Variants in ZNRF3 observed in about 807,000 individuals in gnomAD.
The protein encoded by ZNRF3 is E3 ubiquitin-protein ligase ZNRF3.
ZNRF3 carries 23 observed loss-of-function variants against 72.5 expected under a neutral mutation model. The observed-to-expected ratio is 0.32, with a 90% CI of 0.23 to 0.45. The LOEUF is 0.45. ZNRF3 is among the 20% of genes least tolerant of loss of function. The pLI, the probability that ZNRF3 is intolerant of heterozygous loss-of-function variation, is 1.00. For missense variants in ZNRF3, 1,169 were observed against 1,272.1 expected (o/e 0.92, Z 1.23); for synonymous variants, 610 against 545.3 (o/e 1.12, Z -1.65).
chr22:28,988,341 T>G (rs1569272025), intron 2 of ZNRF3, among the ~76,000 whole-genome samples: 1 of 152,164 alleles, frequency 6.6e-6, no homozygotes, highest in Non-Finnish European at 1.5e-5. Context: ...GGGGTGGTTT[T>G]GAAGCAGGGT....
intron 2 of ZNRF3, among the ~76,000 whole-genome samples, chr22:28,994,571 G>T (rs1400280661): frequency 6.6e-6 from 1 of 152,012 alleles, no homozygotes; most frequent in Non-Finnish European, 1.5e-5. Context: ...TGGTTGCTGG[G>T]GTGGGGTATG....
At chr22:28,921,088 T>C (rs1181120429) in intron 1 of ZNRF3, among the ~76,000 whole-genome samples, 2 of 152,234 alleles carry the variant, frequency 1.3e-5, no homozygotes. Context: ...GGCTGTCATT[T>C]GCAAACAGTT....
At chr22:28,900,062 C>T (rs1045617812) in intron 1 of ZNRF3, among the ~76,000 whole-genome samples, 1 of 152,132 alleles carries the variant, frequency 6.6e-6, no homozygotes, top group Non-Finnish European at 1.5e-5. Flanking sequence ...CTATCTCTTC[C>T]TATTACAGAC....
intron 1 of ZNRF3, among the ~76,000 whole-genome samples, chr22:28,896,245 C>T (rs1321302590): frequency 2.6e-5 from 4 of 152,250 alleles, no homozygotes; most frequent in Non-Finnish European, 4.4e-5. Context: ...AGCGATTCTC[C>T]TGCCTCAGCC....
chr22:28,969,517 G>A (rs535807834), intron 1 of ZNRF3, among the ~76,000 whole-genome samples: 50 of 152,246 alleles, frequency 3.3e-4, no homozygotes, highest in South Asian at 6.2e-4. Context: ...ACAAGAGCAA[G>A]TGCAAAAAAC....
Position 28,985,744 on chromosome 22 carries a change from C to G in ZNRF3, c.301-1332C>G, listed in dbSNP as rs189777974. Among the ~76,000 whole-genome samples, 693 of 152,288 alleles carry G rather than the reference C, an allele frequency of 4.6e-3. 3 individuals are homozygous for G. Among genetic ancestry groups the G allele is most frequent in the African/African-American group, 0.014 (580 of 41,548 alleles). On this transcript the variant is annotated intron_variant, in intron 1 of 8. Coordinates refer to ENST00000544604, the MANE Select transcript of ZNRF3 (RefSeq NM_001206998.2). ...TGGATTTCTGTTCTCATCTGTAAAACAAGTAGGGGATAATGTGGGTGTATT... is the reference window on the plus strand; with the variant it reads ...TGGATTTCTGTTCTCATCTGTAAAAGAAGTAGGGGATAATGTGGGTGTATT...
chr22:29,000,407 A>G (rs1177684775), intron 2 of ZNRF3, among the ~76,000 whole-genome samples: 1 of 152,206 alleles, frequency 6.6e-6, no homozygotes. Context: ...CCTTGGCTTG[A>G]TTTTTAGAAG....
intron 1 of ZNRF3, among the ~76,000 whole-genome samples, chr22:28,897,243 G>A (rs914750301): frequency 6.6e-6 from 1 of 152,202 alleles, no homozygotes; most frequent in Non-Finnish European, 1.5e-5. Flanking sequence ...TGTTGCCTCC[G>A]GGCGTGGGCC....
At chr22:28,917,427 G>A (rs1388700307) in intron 1 of ZNRF3, 1 of 985,328 alleles carries the variant, frequency 1.0e-6, no homozygotes, top group Non-Finnish European at 1.2e-6. Flanking sequence ...GCTGGGGAGT[G>A]TCCTGTGTGG....
At chr22:28,936,376 A>G (rs1174691477) in intron 1 of ZNRF3, among the ~76,000 whole-genome samples, 1 of 152,138 alleles carries the variant, frequency 6.6e-6, no homozygotes, top group Non-Finnish European at 1.5e-5. Flanking sequence ...CCCACCCAGC[A>G]TGCCACCCTG....
At chr22:29,033,304 T>C (rs570936542) in intron 2 of ZNRF3, among the ~76,000 whole-genome samples, 2 of 146,244 alleles carry the variant, frequency 1.4e-5, no homozygotes, top group African/African-American at 5.1e-5. Context: ...TGAGCTAAGA[T>C]TGTGCCACTG....
intron 1 of ZNRF3, among the ~76,000 whole-genome samples, chr22:28,951,553 G>A (rs1406429808): frequency 6.6e-6 from 1 of 152,166 alleles, no homozygotes; most frequent in Non-Finnish European, 1.5e-5. Flanking sequence ...AATCAACCCT[G>A]TCGACATCTT....
chr22:28,928,908 G>A (rs540630278), intron 1 of ZNRF3, among the ~76,000 whole-genome samples: 27 of 152,148 alleles, frequency 1.8e-4, no homozygotes, highest in Non-Finnish European at 2.9e-4. Flanking sequence ...GTCCTATAAT[G>A]CTAACAAGAG....
chr22:29,044,852 C>T lies in ZNRF3; in HGVS notation c.706C>T (p.Leu236Phe), dbSNP rs1483312509. 1.2e-6 allele frequency: 2 copies of T among 1,613,944 alleles called. No individual in the cohort carries two copies. Among genetic ancestry groups the T allele is most frequent in the Non-Finnish European group, 1.7e-6 (2 of 1,180,030 alleles). Residue 236 changes from leucine to phenylalanine, a missense_variant, in exon 5 of 9, where the codon CTC (leucine) becomes TTC (phenylalanine). Around this residue, in one of 2 missense-constraint regions of ZNRF3, gnomAD observed 386 missense variants for 540.7 expected, o/e 0.71. Coordinates refer to ENST00000544604, the MANE Select transcript of ZNRF3 (RefSeq NM_001206998.2). ...CGTGGTCTCCTTGGTCTGCCTCATC[C>T]TCCTTGTCAAAATCAAGCTGAAGCA... ...FVVVSLVCLILLVKIKLKQRR... is the reference protein window; with the variant it reads ...FVVVSLVCLIFLVKIKLKQRR...
intron 1 of ZNRF3, among the ~76,000 whole-genome samples, chr22:28,984,139 A>C (rs2035813883): frequency 6.7e-6 from 1 of 149,530 alleles, no homozygotes; most frequent in African/African-American, 2.4e-5. Flanking sequence ...TTTAAAAAAA[A>C]CCTTTTAATT....
intron 1 of ZNRF3, among the ~76,000 whole-genome samples, chr22:28,952,524 T>C (rs532010061): frequency 5.3e-5 from 8 of 152,132 alleles, no homozygotes; most frequent in Non-Finnish European, 1.2e-4. Flanking sequence ...CCATTTTGTT[T>C]GGTTCTTTTG....
chr22:28,902,810 G>T (rs2034133123), intron 1 of ZNRF3, among the ~76,000 whole-genome samples: 1 of 152,188 alleles, frequency 6.6e-6, no homozygotes, highest in Non-Finnish European at 1.5e-5. Context: ...TATATTTAGT[G>T]GGGATGAGGT....
intron 1 of ZNRF3, among the ~76,000 whole-genome samples, chr22:28,896,116 A>G (rs1458213710): frequency 1.4e-5 from 2 of 146,808 alleles, no homozygotes; most frequent in Non-Finnish European, 3.0e-5. Flanking sequence ...ACGCCCGGCT[A>G]ATTTTTATTT....
At chr22:28,958,868 T>A (rs2035305225) in intron 1 of ZNRF3, among the ~76,000 whole-genome samples, 3 of 152,250 alleles carry the variant, frequency 2.0e-5, no homozygotes. Context: ...CTGGTACTTT[T>A]AGTCCTTGCG....
Sources: allele counts gnomAD v4.1 joint callset (sites outside exome capture counted in the v4.1 genomes callset), GRCh38; gene constraint gnomAD v4.1.1; regional missense constraint gnomAD v4.1.1; transcripts MANE v1.5; gene names NCBI Gene and HGNC (gene_info 2026-07-23, HGNC 2026-07-21).